PRKG1: variants seen among roughly 807,000 people sequenced by gnomAD.
PRKG1 encodes the protein cGMP-dependent protein kinase 1.
PRKG1 carries 35 observed loss-of-function variants against 88.1 expected under a neutral mutation model. The observed-to-expected ratio is 0.40, with a 90% CI of 0.30 to 0.53. PRKG1 has a LOEUF of 0.53. Among genes scored for constraint, PRKG1 ranks in the 20% least tolerant of loss-of-function variants. PRKG1 has a pLI of 0.59. For missense variants in PRKG1, 540 were observed against 839.8 expected (o/e 0.64, Z 4.41); for synonymous variants, 303 against 292.5 (o/e 1.04, Z -0.37).
At chr10:52,171,968 A>G (rs921681445) in intron 9 of PRKG1, among the ~76,000 whole-genome samples, 5 of 148,096 alleles carry the variant, frequency 3.4e-5, no homozygotes, top group African/African-American at 1.0e-4. Context: ...GCGCCCGGCT[A>G]ATTTTTTGTA....
intron 2 of PRKG1, among the ~76,000 whole-genome samples, chr10:51,317,578 AC>A (rs1208766534): frequency 6.6e-6 from 1 of 152,228 alleles, no homozygotes; most frequent in Admixed American, 6.5e-5. Context: ...GAAAGAAGCA[AC>A]TAACATAAAG....
At chr10:51,038,512 T>G (rs1456938344) in intron 1 of PRKG1, among the ~76,000 whole-genome samples, 1 of 152,172 alleles carries the variant, frequency 6.6e-6, no homozygotes, top group Admixed American at 6.5e-5. Flanking sequence ...TAACCATCCT[T>G]CTACCCTCTA....
intron 9 of PRKG1, among the ~76,000 whole-genome samples, chr10:52,192,712 A>T (rs1839397159): frequency 6.6e-6 from 1 of 152,090 alleles, no homozygotes; most frequent in Non-Finnish European, 1.5e-5. Flanking sequence ...CAGAATTGGT[A>T]ACTTTCTAAG....
intron 3 of PRKG1, among the ~76,000 whole-genome samples, chr10:51,517,432 G>A (rs1001716880): frequency 2.6e-5 from 4 of 152,214 alleles, no homozygotes; most frequent in Non-Finnish European, 4.4e-5. Context: ...ACCTGAGGGG[G>A]TGTCAACAAC....
chr10:52,106,506 A>G (rs988045645), intron 7 of PRKG1, among the ~76,000 whole-genome samples: 2 of 152,100 alleles, frequency 1.3e-5, no homozygotes, highest in African/African-American at 2.4e-5. Flanking sequence ...ACAGCATGTT[A>G]AGCAAGTTAC....
chr10:51,026,470 C>T (rs966845397), intron 1 of PRKG1, among the ~76,000 whole-genome samples: 2 of 152,132 alleles, frequency 1.3e-5, no homozygotes, highest in Admixed American at 6.6e-5. Context: ...ACAAGTCCTG[C>T]CTGGATGATC....
intron 3 of PRKG1, among the ~76,000 whole-genome samples, chr10:51,595,197 G>A (rs1838413420): frequency 1.3e-5 from 2 of 152,096 alleles, no homozygotes; most frequent in Admixed American, 6.6e-5. Flanking sequence ...AAATGGTAAA[G>A]CTTAGCTGGA....
chr10:52,176,654 A>T (rs1838876752), intron 9 of PRKG1, among the ~76,000 whole-genome samples: 1 of 152,104 alleles, frequency 6.6e-6, no homozygotes, highest in African/African-American at 2.4e-5. Flanking sequence ...CATGAGTATA[A>T]GATGTCTTTC....
intron 2 of PRKG1, among the ~76,000 whole-genome samples, chr10:51,333,626 T>C (rs1841795036): frequency 6.6e-6 from 1 of 152,200 alleles, no homozygotes; most frequent in Admixed American, 6.5e-5. Context: ...ATCCAAAATG[T>C]TTGTATAAAA....
At chr10:51,282,490 A>G (rs1299701434) in intron 2 of PRKG1, among the ~76,000 whole-genome samples, 2 of 152,190 alleles carry the variant, frequency 1.3e-5, no homozygotes, top group Non-Finnish European at 2.9e-5. Context: ...AAAATCATCA[A>G]CATTTAAGAA....
At chr10:52,017,945 C>A (rs1437782084) in intron 5 of PRKG1, among the ~76,000 whole-genome samples, 1 of 152,122 alleles carries the variant, frequency 6.6e-6, no homozygotes, top group African/African-American at 2.4e-5. Flanking sequence ...CTTTGAACAA[C>A]CCTATAAACT....
chr10:52,061,533 T>C (rs1468793127), intron 6 of PRKG1, among the ~76,000 whole-genome samples: 1 of 152,090 alleles, frequency 6.6e-6, no homozygotes, highest in African/African-American at 2.4e-5. Context: ...CTATTTTTGT[T>C]TTCATTCATG....
At chr10:51,784,061 T>C (rs1346810949) in intron 3 of PRKG1, among the ~76,000 whole-genome samples, 1 of 152,064 alleles carries the variant, frequency 6.6e-6, no homozygotes, top group Non-Finnish European at 1.5e-5. Context: ...CTTTTAACAC[T>C]CCCCTTGTGA....
At position 52,064,193 on chromosome 10, in the gene PRKG1, C is replaced by T. The variant is rs79603197; in HGVS notation, c.935+1562C>T. ...CACCTGCAGGCCAGCACCAAGCTGC[C>T]GTCAGCCCACCACTGGATTCCCTCC... On this transcript the variant is annotated intron_variant, in intron 7 of 17. Transcript: ENST00000373980. Among the ~76,000 whole-genome samples, 39 of 152,244 alleles carry T rather than the reference C, an allele frequency of 2.6e-4. No individual in the cohort carries two copies. The East Asian group carries it at 7.6e-3, about 30-fold the overall frequency.
intron 9 of PRKG1, among the ~76,000 whole-genome samples, chr10:52,180,000 T>G (rs915747174): frequency 2.0e-5 from 3 of 152,240 alleles, no homozygotes; most frequent in African/African-American, 7.2e-5. Flanking sequence ...ATAGATTTTC[T>G]GTACCTTTTG....
intron 3 of PRKG1, among the ~76,000 whole-genome samples, chr10:51,562,858 T>G (rs1055022843): frequency 3.3e-5 from 5 of 152,160 alleles, no homozygotes; most frequent in African/African-American, 1.2e-4. Flanking sequence ...AGCATTGAAC[T>G]ACTAGGGTCC....
intron 3 of PRKG1, among the ~76,000 whole-genome samples, chr10:51,800,765 A>G (rs1334063096): frequency 6.6e-6 from 1 of 151,938 alleles, no homozygotes; most frequent in Non-Finnish European, 1.5e-5. Flanking sequence ...AGGTCCTCAT[A>G]TGGCCTTTTC....
At chr10:52,019,516 A>G (rs950528618) in intron 5 of PRKG1, among the ~76,000 whole-genome samples, 9 of 152,150 alleles carry the variant, frequency 5.9e-5, no homozygotes, top group African/African-American at 2.2e-4. Context: ...AGAAGAGGGC[A>G]CTCCAGGGCC....
rs143729605 is a variant in PRKG1 at position 51,339,904 on chromosome 10, A to G, written c.479-127819A>G. Among the ~76,000 whole-genome samples, 196 of 152,178 alleles carry G rather than the reference A, an allele frequency of 1.3e-3. 2 individuals carry two copies. The highest frequency in any genetic ancestry group is 4.5e-3 in the African/African-American group (187 of 41,566). Reference sequence around the variant, plus strand: ...CTCTGGTCATCTCTGATTATTTCCTACAGATAAATTCCTAGAAGACTTGCT... The same window carrying G: ...CTCTGGTCATCTCTGATTATTTCCTGCAGATAAATTCCTAGAAGACTTGCT... On this transcript the variant is annotated intron_variant, in intron 2 of 17. Coordinates refer to ENST00000373980, the MANE Select transcript of PRKG1 (RefSeq NM_006258.4).
Sources: gnomAD v4.1 joint callset for allele counts (sites outside exome capture counted in the v4.1 genomes callset) on GRCh38, gnomAD v4.1.1 for gene constraint, MANE v1.5 for transcripts, NCBI Gene and HGNC (gene_info 2026-07-23, HGNC 2026-07-21) for gene names.